Variants in SLC25A48 observed in about 807,000 individuals in gnomAD.
SLC25A48 encodes the protein CTC-321K16.1.
Under a neutral mutation model 32.2 loss-of-function variants are expected in SLC25A48, and 29 were observed. That is an observed-to-expected ratio of 0.90 (90% confidence interval 0.67 to 1.23). The LOEUF (loss-of-function observed/expected upper bound fraction) is 1.23, where lower values mean the gene tolerates loss of function less well. SLC25A48 is among the 50% of genes most tolerant of loss of function. The pLI, the probability that SLC25A48 is intolerant of heterozygous loss-of-function variation, is 0.00. For missense variants in SLC25A48, 399 were observed against 422.7 expected, an observed-to-expected ratio of 0.94 and a Z score of 0.49; for synonymous variants, 164 against 172.3, an observed-to-expected ratio of 0.95 and a Z score of 0.38.
intron 3 of SLC25A48, among the ~76,000 whole-genome samples, chr5:135,722,244 C>T (rs371548332): frequency 6.6e-6 from 1 of 152,230 alleles, no homozygotes; most frequent in African/African-American, 2.4e-5. Flanking sequence ...CTTGTGCTTG[C>T]TCTATCTGAA....
chr5:135,708,750 C>T (rs1754582600), intron 3 of SLC25A48, among the ~76,000 whole-genome samples: 1 of 152,130 alleles, frequency 6.6e-6, no homozygotes, highest in Non-Finnish European at 1.5e-5. Flanking sequence ...TTGGGGAGAG[C>T]CCAGGTGTCT....
chr5:135,690,094 C>T (rs768394437), intron 3 of SLC25A48, among the ~76,000 whole-genome samples: 11 of 152,126 alleles, frequency 7.2e-5, no homozygotes, highest in Non-Finnish European at 1.5e-4. Flanking sequence ...GGATGCAAGA[C>T]TTTCAGTGCT....
At chr5:135,835,276 A>G in intron 1 of SLC25A48, 1 of 457,972 alleles carries the variant, frequency 2.2e-6, no homozygotes, top group Non-Finnish European at 4.4e-6. Context: ...GTATGAGGGT[A>G]GCGCTTGGCT....
chr5:135,632,337 C>T (rs1007382762), intron 2 of SLC25A48, among the ~76,000 whole-genome samples: 5 of 152,114 alleles, frequency 3.3e-5, no homozygotes, highest in African/African-American at 7.2e-5. Context: ...GGAGGCACAG[C>T]GACCTATTAG....
At chr5:135,760,546 G>T (rs1419848826) in intron 3 of SLC25A48, among the ~76,000 whole-genome samples, 1 of 152,198 alleles carries the variant, frequency 6.6e-6, no homozygotes. Flanking sequence ...TTTCAGAGTG[G>T]ACTGCTCTCT....
intron 3 of SLC25A48, among the ~76,000 whole-genome samples, chr5:135,680,763 G>T (rs1753877526): frequency 1.3e-5 from 2 of 152,198 alleles, no homozygotes; most frequent in Admixed American, 1.3e-4. Context: ...CATGACACGT[G>T]GAGATTGTGG....
At chr5:135,679,381 A>T (rs1463959872) in intron 3 of SLC25A48, among the ~76,000 whole-genome samples, 2 of 152,154 alleles carry the variant, frequency 1.3e-5, no homozygotes, top group African/African-American at 4.8e-5. Flanking sequence ...ATCTGTCCTC[A>T]GGCTCCCAGG....
At chr5:135,606,657 C>T (rs1338750379) in intron 1 of SLC25A48, among the ~76,000 whole-genome samples, 1 of 152,134 alleles carries the variant, frequency 6.6e-6, no homozygotes. Flanking sequence ...TCTGAAATAC[C>T]CAGGATCCAT....
chr5:135,597,384 G>A (rs34969497), intron 1 of SLC25A48, among the ~76,000 whole-genome samples: 50,009 of 151,966 alleles, frequency 0.33, 8,354 homozygotes, highest in African/African-American at 0.41. Flanking sequence ...CCAGGTTAGG[G>A]CTACCTGCCT....
At chr5:135,685,410 A>G (rs1343022153) in intron 3 of SLC25A48, among the ~76,000 whole-genome samples, 1 of 150,592 alleles carries the variant, frequency 6.6e-6, no homozygotes, top group Non-Finnish European at 1.5e-5. Flanking sequence ...TAGGGAGAAG[A>G]AGCTGTTTTA....
intron 3 of SLC25A48, among the ~76,000 whole-genome samples, chr5:135,695,442 A>T (rs11739822): frequency 0.77 from 117,763 of 152,254 alleles, 46,092 homozygotes; most frequent in Middle Eastern, 0.87. Flanking sequence ...CTGGGATCAG[A>T]TAATTGTTTT....
At chr5:135,681,370 T>A (rs113715966) in intron 3 of SLC25A48, among the ~76,000 whole-genome samples, 7 of 152,372 alleles carry the variant, frequency 4.6e-5, no homozygotes, top group African/African-American at 1.4e-4. Flanking sequence ...TCCAATGTAT[T>A]TTTCATTTCA....
chr5:135,731,646 G>A (rs557519133), intron 3 of SLC25A48, among the ~76,000 whole-genome samples: 1 of 152,144 alleles, frequency 6.6e-6, no homozygotes, highest in South Asian at 2.1e-4. Context: ...ATGCTGTTTT[G>A]TATGAATTGA....
At chr5:135,864,756 G>A (rs1761062486) in intron 4 of SLC25A48, among the ~76,000 whole-genome samples, 1 of 152,234 alleles carries the variant, frequency 6.6e-6, no homozygotes, top group Non-Finnish European at 1.5e-5. Flanking sequence ...AGACATTAAT[G>A]ATAGTGCATA....
intron 3 of SLC25A48, among the ~76,000 whole-genome samples, chr5:135,664,641 C>G (rs1032761432): frequency 6.7e-6 from 1 of 149,470 alleles, no homozygotes; most frequent in African/African-American, 2.4e-5. Context: ...CTTTGCATAC[C>G]CATAGCTTAG....
chr5:135,815,297 TC>T (rs1757687447), intron 4 of SLC25A48, among the ~76,000 whole-genome samples: 1 of 152,126 alleles, frequency 6.6e-6, no homozygotes, highest in Admixed American at 6.5e-5. Context: ...GAAACCTAGA[TC>T]CCTCACATGC....
At position 135,745,410 on chromosome 5, in the gene SLC25A48, G is replaced by A. The variant is rs560652247; in HGVS notation, c.-520-67113G>A. Among the ~76,000 whole-genome samples the A allele has an allele frequency of 5.9e-5, 9 of 152,264 alleles. 1 individual carries two copies. The highest frequency in any genetic ancestry group is 2.6e-4 in the Admixed American group (4 of 15,284). On this transcript the variant is annotated intron_variant, in intron 3 of 10. Transcript: ENST00000646290. ...TTCTGGTAAACCAACAACCTCCAGCGTGGGTGTCATAGCCATCACAAGCAT... is the reference window on the plus strand; with the variant it reads ...TTCTGGTAAACCAACAACCTCCAGCATGGGTGTCATAGCCATCACAAGCAT...
At position 135,626,647 on chromosome 5, in the gene SLC25A48, C is replaced by T. The variant is rs181716893; in HGVS notation, c.-848-2590C>T. Among the ~76,000 whole-genome samples the T allele has an allele frequency of 4.3e-4, 65 of 152,296 alleles. No individual in the cohort carries two copies. In the South Asian group the frequency reaches 6.2e-3, roughly 15 times the overall value. On this transcript the variant is annotated intron_variant, in intron 1 of 10. Coordinates refer to the SLC25A48 transcript ENST00000646290. The stretch of plus-strand genomic sequence containing the variant: ...CCTCTTTAATGTGGACAAACCACTT[C>T]GGTGCTTCTCTTCAGAATGAATTAG...
At chr5:135,743,749 C>CA (rs1448290868) in intron 3 of SLC25A48, among the ~76,000 whole-genome samples, 2 of 152,214 alleles carry the variant, frequency 1.3e-5, no homozygotes, top group Admixed American at 1.3e-4. Context: ...TAGACCCCTG[C>CA]AAAAGGCCAA....
Sources: gnomAD v4.1 joint callset for allele counts (sites outside exome capture counted in the v4.1 genomes callset) on GRCh38, gnomAD v4.1.1 for gene constraint, MANE v1.5 for transcripts, NCBI Gene and HGNC (gene_info 2026-07-23, HGNC 2026-07-21) for gene names.